The following PTAFR variants were observed in gnomAD, a reference collection of about 807,000 sequenced individuals.
PTAFR encodes platelet activating factor receptor.
In PTAFR, 8 loss-of-function variants were observed where a neutral mutation model predicts 14.7. That is an observed-to-expected ratio of 0.54 (90% confidence interval 0.32 to 0.98). The LOEUF is 0.98. PTAFR is among the 50% of genes least tolerant of loss of function. PTAFR has a pLI of 0.04. For synonymous variants in PTAFR, 156 were observed against 176.5 expected, an observed-to-expected ratio of 0.88 and a Z score of 0.92; for missense variants, 337 against 451.2, an observed-to-expected ratio of 0.75 and a Z score of 2.29.
chr1:28,171,556 G>A (rs888709399), intron 1 of PTAFR, among the ~76,000 whole-genome samples: 11 of 152,090 alleles, frequency 7.2e-5, no homozygotes, highest in African/African-American at 1.2e-4. Flanking sequence ...TTTGAGCGAC[G>A]AATTAAGGGA....
chr1:28,164,419 C>A (rs1403804860), intron 1 of PTAFR, among the ~76,000 whole-genome samples: 1 of 152,124 alleles, frequency 6.6e-6, no homozygotes, highest in Admixed American at 6.6e-5. Context: ...GGGGGAACAC[C>A]ACATTCCAAG....
chr1:28,164,580 C>T lies in PTAFR; in HGVS notation c.-39+12012G>A, dbSNP rs371983054. ...TCCTCCTCAGATCATCTTCGTGAGG[C>T]TGGTTTTACAAGATACCTAATTTTC... is the stretch of plus-strand genomic sequence containing the variant. On this transcript the variant is annotated intron_variant, in intron 1 of 1. Transcript: ENST00000373857. Among the ~76,000 whole-genome samples the T allele has an allele frequency of 3.1e-4, 47 of 152,304 alleles. No homozygotes were observed. In the South Asian group the frequency reaches 3.1e-3, roughly 10 times the overall value.
intron 1 of PTAFR, among the ~76,000 whole-genome samples, chr1:28,183,769 C>T (rs918283181): frequency 6.6e-6 from 1 of 152,128 alleles, no homozygotes; most frequent in Non-Finnish European, 1.5e-5. Context: ...GCCTGTTAAT[C>T]CCAGCTACTC....
intron 1 of PTAFR, among the ~76,000 whole-genome samples, chr1:28,152,389 G>T (rs1267244521): frequency 6.6e-6 from 1 of 151,866 alleles, no homozygotes; most frequent in East Asian, 2.0e-4. Context: ...ATCGCCTGAG[G>T]TCAGGAGTTC....
At chr1:28,172,109 A>G (rs1280152710) in intron 1 of PTAFR, among the ~76,000 whole-genome samples, 4 of 152,140 alleles carry the variant, frequency 2.6e-5, no homozygotes, top group African/African-American at 7.2e-5. Context: ...TCCGCCTCCC[A>G]GGTTCAAGCG....
Position 28,150,573 on chromosome 1 carries a change from G to C in PTAFR, c.449C>G (p.Ser150Cys). The change falls in exon 2 of 2, where the codon TCC (serine) becomes TGC (cysteine). Residue 150 changes from serine to cysteine, a missense_variant. Physicochemically the swap from Ser to Cys is moderately radical, Grantham distance 112 (BLOSUM62 -1). Coordinates refer to ENST00000373857, the MANE Select transcript of PTAFR (RefSeq NM_000952.5). This position sits in a 1 kb window ranked among gnomAD's most constrained non-coding sequence, Gnocchi z 6.3. ...VIWVAIVGAASYFLILDSTNT... is the reference protein window; with the variant it reads ...VIWVAIVGAACYFLILDSTNT... The stretch of plus-strand genomic sequence containing the variant: ...GGTGGAGTCCAGGATGAGGAAGTAG[G>C]ATGCAGCTCCCACAATGGCCACCCA... 1 of 1,614,214 alleles carries C rather than the reference G, an allele frequency of 6.2e-7. No individual in the cohort carries two copies. Among genetic ancestry groups the C allele is most frequent in the Non-Finnish European group, 8.5e-7 (1 of 1,180,046 alleles).
At chr1:28,183,761 C>A (rs529022794) in intron 1 of PTAFR, among the ~76,000 whole-genome samples, 1 of 152,284 alleles carries the variant, frequency 6.6e-6, no homozygotes, top group Admixed American at 6.5e-5. Flanking sequence ...TGGCACATGC[C>A]TGTTAATCCC....
intron 1 of PTAFR, among the ~76,000 whole-genome samples, chr1:28,162,042 G>A (rs1646329514): frequency 6.6e-6 from 1 of 152,156 alleles, no homozygotes; most frequent in South Asian, 2.1e-4. Flanking sequence ...GGAAGAGTGG[G>A]ATGTGATCAG....
At chr1:28,167,732 G>A (rs936644557) in intron 1 of PTAFR, among the ~76,000 whole-genome samples, 1 of 125,976 alleles carries the variant, frequency 7.9e-6, no homozygotes, top group Non-Finnish European at 1.6e-5. Context: ...TGCAACCTCC[G>A]CCTCCCGCGT....
chr1:28,187,614 C>A (rs1281534919), intron 1 of PTAFR, among the ~76,000 whole-genome samples: 1 of 152,050 alleles, frequency 6.6e-6, no homozygotes, highest in East Asian at 1.9e-4. Flanking sequence ...AAGCCATCCT[C>A]CCACTTGAGC....
At position 28,150,416 on chromosome 1, in the gene PTAFR, G is replaced by T. The variant is rs376103553; in HGVS notation, c.606C>A (p.Ile202=). The change falls in exon 2 of 2, where the codon ATC becomes ATA. Residue 202 remains isoleucine, a synonymous_variant. Transcript: ENST00000373857. The surrounding 1 kb of genome is among the most constrained non-coding windows in gnomAD (Gnocchi z 6.3). The stretch of plus-strand genomic sequence containing the variant: ...GGATGATGACCAGGTTGCAGAAGAG[G>T]ATGATGAGGAAGACCAGGAAGAAGC... ...VFSFFLVFLI[I]LFCNLVIIRT... 1.2e-6 allele frequency: 2 copies of T among 1,613,910 alleles called. No homozygotes were observed. Among genetic ancestry groups the T allele is most frequent in the African/African-American group, 2.7e-5 (2 of 74,946 alleles).
chr1:28,155,263 C>A (rs1041733359), intron 1 of PTAFR, among the ~76,000 whole-genome samples: 1 of 152,110 alleles, frequency 6.6e-6, no homozygotes. Context: ...CAGGCTGGAG[C>A]GCAGTGGTGC....
At chr1:28,178,054 G>A (rs1030888329), upstream of PTAFR, among the ~76,000 whole-genome samples, 8 of 151,886 alleles carry the variant, frequency 5.3e-5, no homozygotes, top group African/African-American at 9.7e-5. Flanking sequence ...TACATCAGCC[G>A]ACCCAACAAC....
At chr1:28,154,390 C>A (rs1490080125) in intron 1 of PTAFR, among the ~76,000 whole-genome samples, 1 of 152,186 alleles carries the variant, frequency 6.6e-6, no homozygotes, top group East Asian at 1.9e-4. Context: ...AGGTAAGGCA[C>A]ACAGCTAAGC....
chr1:28,150,504 CA>C lies in PTAFR; in HGVS notation c.517del (p.Cys173AlafsTer116), dbSNP rs1370325437. On this transcript the variant is annotated frameshift_variant, in exon 2 of 2. Coordinates refer to ENST00000373857, the MANE Select transcript of PTAFR (RefSeq NM_000952.5). LOFTEE classifies it high-confidence loss of function. The surrounding 1 kb of genome is among the most constrained non-coding windows in gnomAD (Gnocchi z 6.3). ...GCTGCCCTTCTCGTAATGCTCAAAGCAGCGAGTGACGTTGCCTGAGCCAGCA... is the reference window on the plus strand; with the variant it reads ...GCTGCCCTTCTCGTAATGCTCAAAGCGCGAGTGACGTTGCCTGAGCCAGCA... ...DSAGSGNVTRCFEHYEKGSVP... is the reference protein window; with the variant it reads ...DSAGSGNVTRXFEHYEKGSVP... The C allele has an allele frequency of 1.2e-6, 2 of 1,614,214 alleles. No individual in the cohort carries two copies. Among genetic ancestry groups the C allele is most frequent in the Non-Finnish European group, 1.7e-6 (2 of 1,180,034 alleles).
chr1:28,158,159 G>A (rs942709094), intron 1 of PTAFR, among the ~76,000 whole-genome samples: 2 of 152,156 alleles, frequency 1.3e-5, no homozygotes, highest in Non-Finnish European at 2.9e-5. Flanking sequence ...GTGCTATGAT[G>A]ATGGATGTAT....
At chr1:28,173,023 G>A (rs532153292) in intron 1 of PTAFR, among the ~76,000 whole-genome samples, 10 of 146,552 alleles carry the variant, frequency 6.8e-5, no homozygotes, top group Non-Finnish European at 1.2e-4. Flanking sequence ...TAATCCCAGC[G>A]CTTTGGGAAG....
At chr1:28,164,134 G>C (rs1429126239) in intron 1 of PTAFR, among the ~76,000 whole-genome samples, 1 of 152,232 alleles carries the variant, frequency 6.6e-6, no homozygotes, top group Non-Finnish European at 1.5e-5. Flanking sequence ...TGGACAGCCA[G>C]AGAGGAGGGA....
chr1:28,159,031 T>C (rs1010234507), intron 1 of PTAFR, among the ~76,000 whole-genome samples: 1 of 152,046 alleles, frequency 6.6e-6, no homozygotes, highest in Non-Finnish European at 1.5e-5. Flanking sequence ...GGATGGGATA[T>C]TGGTTGAGAG....
Sources: gnomAD v4.1 joint callset for allele counts (sites outside exome capture counted in the v4.1 genomes callset) on GRCh38, gnomAD v4.1.1 for gene constraint, Gnocchi (gnomAD v3.1) non-coding constraint, MANE v1.5 for transcripts, NCBI Gene and HGNC (gene_info 2026-07-23, HGNC 2026-07-21) for gene names.